LY96: variants seen among roughly 807,000 people sequenced by gnomAD.
The protein encoded by LY96 is lymphocyte antigen 96.
Under a neutral mutation model 18.9 loss-of-function variants are expected in LY96, and 18 were observed. That is an observed-to-expected ratio of 0.95 (90% CI 0.66 to 1.41). The LOEUF (loss-of-function observed/expected upper bound fraction) is 1.41. Among genes scored for constraint, LY96 ranks in the 40% most tolerant of loss-of-function variants. The probability of loss-of-function intolerance (pLI) is 0.00; values close to 1 mark genes in which losing one functional copy is unlikely to be tolerated. For missense variants in LY96, 175 were observed against 182.4 expected (o/e 0.96, Z 0.23); for synonymous variants, 66 against 62.6 (o/e 1.06, Z -0.26).
At chr8:74,046,440 C>A in the LY96 span, among the ~76,000 whole-genome samples, 1 of 152,104 alleles carries the variant, frequency 6.6e-6, no homozygotes, top group Non-Finnish European at 1.5e-5. Flanking sequence ...AGCACACTCA[C>A]CAAAAATCTT....
chr8:74,047,094 G>T, the LY96 span, among the ~76,000 whole-genome samples: 3 of 152,086 alleles, frequency 2.0e-5, no homozygotes, highest in East Asian at 3.9e-4. Flanking sequence ...TTGAGACGGG[G>T]TTTCACCATG....
At chr8:73,998,181 G>A (rs1816190828) in intron 1 of LY96, among the ~76,000 whole-genome samples, 3 of 152,120 alleles carry the variant, frequency 2.0e-5, no homozygotes, top group Admixed American at 1.3e-4. Context: ...GGAACTAGAA[G>A]CTCTGGGCAA....
the LY96 span, among the ~76,000 whole-genome samples, chr8:74,047,862 C>T: frequency 1.3e-5 from 2 of 150,864 alleles, no homozygotes; most frequent in Non-Finnish European, 2.9e-5. Flanking sequence ...AATATTTTAA[C>T]CATTTCCCAC....
intron 3 of LY96, among the ~76,000 whole-genome samples, chr8:74,025,684 CTTTATCTGCTTT>C (rs1184750221): frequency 1.3e-5 from 2 of 148,726 alleles, no homozygotes; most frequent in Non-Finnish European, 3.0e-5. Context: ...AAGATACACC[CTTTATCTGCTTT>C]AAAGAAAGAG....
chr8:73,999,573 A>G (rs563210602), intron 1 of LY96, among the ~76,000 whole-genome samples: 27 of 152,266 alleles, frequency 1.8e-4, no homozygotes, highest in Non-Finnish European at 2.9e-4. Context: ...AAGCTTGTTG[A>G]CAGTATTTAG....
the LY96 span, among the ~76,000 whole-genome samples, chr8:74,071,352 A>T: frequency 6.6e-6 from 1 of 152,036 alleles, no homozygotes; most frequent in Admixed American, 6.6e-5. Flanking sequence ...AGTTCCAAAT[A>T]GTTCTTCTTC....
chr8:74,054,617 CTTCTTTCTTTCTTTCTTTCTTTCT>C, the LY96 span, among the ~76,000 whole-genome samples: 4 of 70,172 alleles, frequency 5.7e-5, no homozygotes, highest in Admixed American at 1.9e-4. Flanking sequence ...TTTCCTTTTC[CTTCTTTCTTTCTTTCTTTCTTTCT>C]TTCTTTCTTT....
chr8:74,025,806 G>A (rs569214155), intron 3 of LY96, among the ~76,000 whole-genome samples: 50 of 152,166 alleles, frequency 3.3e-4, no homozygotes, highest in Non-Finnish European at 6.8e-4. Context: ...TTGGGAGTTC[G>A]AGACCAGCCT....
chr8:74,026,311 C>T (rs538620979), intron 3 of LY96, among the ~76,000 whole-genome samples: 14 of 152,154 alleles, frequency 9.2e-5, no homozygotes, highest in African/African-American at 3.4e-4. Flanking sequence ...GGGCCAGGCC[C>T]GTGGCTATGC....
At chr8:73,993,652 AG>A (rs1275761602) in intron 1 of LY96, among the ~76,000 whole-genome samples, 30 of 152,170 alleles carry the variant, frequency 2.0e-4, no homozygotes, top group African/African-American at 7.2e-4. Flanking sequence ...CATGTTGACC[AG>A]GCTGGCCTCC....
intron 3 of LY96, among the ~76,000 whole-genome samples, chr8:74,026,099 CATTA>C (rs1473634201): frequency 1.3e-5 from 2 of 152,216 alleles, no homozygotes; most frequent in East Asian, 3.9e-4. Context: ...TACATGCAGA[CATTA>C]ATTATTTACT....
At position 74,008,645 on chromosome 8, in the gene LY96, AGAG is replaced by A. The variant is rs1019532348; in HGVS notation, c.203-1350_203-1348del. ...AATTCTAGTGCCAACTTGGTGATGA[AGAG>A]GAGGAAATCACTTTTAGATCTGTTG... On this transcript the variant is annotated intron_variant, in intron 2 of 4. Transcript: ENST00000284818. Among the ~76,000 whole-genome samples, 103 of 152,354 alleles carry A rather than the reference AGAG, an allele frequency of 6.8e-4. 1 individual carries two copies. Among genetic ancestry groups the A allele is most frequent in the African/African-American group, 2.3e-3 (97 of 41,602 alleles).
chr8:73,992,059 T>C (rs1816015712), intron 1 of LY96, among the ~76,000 whole-genome samples: 1 of 152,226 alleles, frequency 6.6e-6, no homozygotes, highest in Non-Finnish European at 1.5e-5. Context: ...CCAGCCTTTT[T>C]AGCACTGAAG....
At chr8:74,080,831 G>A in the LY96 span, among the ~76,000 whole-genome samples, 7 of 152,166 alleles carry the variant, frequency 4.6e-5, no homozygotes, top group Non-Finnish European at 7.4e-5. Context: ...ATAAAAGCTC[G>A]ATTTCCTTTA....
At chr8:74,097,217 G>C in the LY96 span, among the ~76,000 whole-genome samples, 3 of 152,166 alleles carry the variant, frequency 2.0e-5, no homozygotes, top group Non-Finnish European at 4.4e-5. Flanking sequence ...TTGAGAATCT[G>C]AGGGTAATGT....
At chr8:74,051,688 G>C in the LY96 span, among the ~76,000 whole-genome samples, 4 of 152,152 alleles carry the variant, frequency 2.6e-5, no homozygotes, top group Non-Finnish European at 5.9e-5. Context: ...TAATAAAAGA[G>C]ACCTCAGAGA....
At chr8:74,081,034 CTTT>C in the LY96 span, among the ~76,000 whole-genome samples, 21 of 118,440 alleles carry the variant, frequency 1.8e-4, 1 homozygote, top group African/African-American at 9.1e-4. Context: ...TTCTTTCTTT[CTTT>C]CTTTCTTTCT....
At chr8:74,029,510 A>G (rs1352583385), downstream of LY96, among the ~76,000 whole-genome samples, 1 of 152,106 alleles carries the variant, frequency 6.6e-6, no homozygotes, top group Non-Finnish European at 1.5e-5. Flanking sequence ...TGGTTTTATA[A>G]GGAGCTTTCC....
chr8:74,028,166 A>G (rs541930898), intron 4 of LY96, among the ~76,000 whole-genome samples: 2 of 152,218 alleles, frequency 1.3e-5, no homozygotes, highest in Non-Finnish European at 2.9e-5. Flanking sequence ...GTACTGAAAC[A>G]GTTGTTAGTG....
Sources: allele counts gnomAD v4.1 joint callset (sites outside exome capture counted in the v4.1 genomes callset), GRCh38; gene constraint gnomAD v4.1.1; transcripts MANE v1.5; gene names NCBI Gene and HGNC (gene_info 2026-07-23, HGNC 2026-07-21).